The following MARS1 variants were observed in gnomAD, a reference collection of about 807,000 sequenced individuals.
MARS1 encodes the protein methionyl-tRNA synthetase 1.
In MARS1, 80 loss-of-function variants were observed where a neutral mutation model predicts 119.5. The observed-to-expected ratio is 0.67, with a 90% CI of 0.56 to 0.81. The LOEUF (loss-of-function observed/expected upper bound fraction) is 0.81, where lower values mean the gene tolerates loss of function less well. Ranked by LOEUF, MARS1 falls within the 30% of genes least tolerant of loss-of-function variation. MARS1 has a pLI of 0.00. For synonymous variants in MARS1, 418 were observed against 433.4 expected, an observed-to-expected ratio of 0.96 and a Z score of 0.44; for missense variants, 945 against 1,116.5, an observed-to-expected ratio of 0.85 and a Z score of 2.19.
At chr12:57,506,864 T>C (rs1306866462) in intron 11 of MARS1, among the ~76,000 whole-genome samples, 8 of 151,532 alleles carry the variant, frequency 5.3e-5, no homozygotes, top group African/African-American at 1.7e-4. Context: ...TTTTTTTTTT[T>C]TTTTTAATTG....
chr12:57,509,619 A>G (rs529151469), intron 11 of MARS1, among the ~76,000 whole-genome samples: 1 of 152,296 alleles, frequency 6.6e-6, no homozygotes, highest in Admixed American at 6.5e-5. Context: ...CATGTTGGCC[A>G]GGCTGGTCTC....
intron 10 of MARS1, among the ~76,000 whole-genome samples, chr12:57,501,025 G>A (rs1037142213): frequency 4.6e-5 from 7 of 152,232 alleles, no homozygotes; most frequent in Admixed American, 1.3e-4. Flanking sequence ...GACAGAGAGT[G>A]ACTTCTGGGG....
In MARS1 at chr12:57,498,249, T is replaced by G. The variant is rs551529414; in HGVS notation, c.863T>G (p.Val288Gly). 2 of 1,614,186 alleles carry G rather than the reference T, an allele frequency of 1.2e-6. No homozygotes were observed. The highest frequency in any genetic ancestry group is 4.5e-5 in the East Asian group (2 of 44,892). ...VPHLGNIIGCVLSADVFARYS... is the reference protein window; with the variant it reads ...VPHLGNIIGCGLSADVFARYS... ...CACCTTGGGAACATCATTGGTTGTG[T>G]GCTCAGTGCCGATGTCTTTGCCAGG... The change falls in exon 8 of 21, where the codon GTG becomes GGG. Residue 288 changes from valine (V) to glycine (G), a missense_variant. Coordinates refer to ENST00000262027, the MANE Select transcript of MARS1 (RefSeq NM_004990.4).
At chr12:57,498,110 AC>A in intron 7 of MARS1, 46 bp from the exon 8 acceptor site, 1 of 1,239,262 alleles carries the variant, frequency 8.1e-7, no homozygotes, top group Non-Finnish European at 1.2e-6. Flanking sequence ...GTCCCTGTTG[AC>A]CCTCACATCC....
At chr12:57,490,718 G>A in intron 7 of MARS1, 74 bp downstream of exon 7, 1 of 1,209,844 alleles carries the variant, frequency 8.3e-7, no homozygotes, top group Non-Finnish European at 1.2e-6. Context: ...GAACCTGCCT[G>A]CTAGGTCCCG....
rs1877567160 is a variant in MARS1 at position 57,512,434 on chromosome 12, G to A, written c.1753+81G>A. The stretch of plus-strand genomic sequence containing the variant: ...AGTACTTGGAAAAAGATCTTGGAGA[G>A]CTGCTATCTTGAGTTAGGAGTTGAG... On this transcript the variant is annotated intron_variant, in intron 14 of 20. Transcript: ENST00000262027. 8 of 982,922 alleles carry A rather than the reference G, an allele frequency of 8.1e-6. No homozygotes were observed. In the Admixed American group the frequency reaches 1.3e-4, roughly 16 times the overall value. 60.9% of individuals were successfully genotyped at this position (982,922 alleles called of 1,614,324 possible).
In MARS1 at chr12:57,514,950, C is replaced by G. The variant is rs1253766413; in HGVS notation, c.2100-4C>G. Reference sequence around the variant, plus strand: ...ACACCTTGGCCTGCTTCCTCCCTTCCCAGGATCCGGGATGCCTTGCGCAGT... The same window carrying G: ...ACACCTTGGCCTGCTTCCTCCCTTCGCAGGATCCGGGATGCCTTGCGCAGT... On this transcript the variant is annotated splice_region_variant and splice_polypyrimidine_tract_variant and intron_variant, in intron 16 of 20. Coordinates refer to ENST00000262027, the MANE Select transcript of MARS1 (RefSeq NM_004990.4). The G allele has an allele frequency of 6.2e-7, 1 of 1,614,052 alleles. No homozygotes were observed.
At chr12:57,508,239 C>T (rs1426864278) in intron 11 of MARS1, among the ~76,000 whole-genome samples, 1 of 152,250 alleles carries the variant, frequency 6.6e-6, no homozygotes, top group Non-Finnish European at 1.5e-5. Flanking sequence ...CAGAGATGCT[C>T]CTCACTTCCC....
chr12:57,496,802 C>A (rs987422368), intron 7 of MARS1, among the ~76,000 whole-genome samples: 3 of 150,924 alleles, frequency 2.0e-5, no homozygotes, highest in Admixed American at 1.3e-4. Context: ...AGGGAGATAA[C>A]CTTTCTCAGG....
intron 19 of MARS1, 93 bp from the exon 20 acceptor site, chr12:57,516,152 C>T (rs1268501694): frequency 2.2e-6 from 3 of 1,393,156 alleles, no homozygotes; most frequent in Non-Finnish European, 3.1e-6. Context: ...AGACCTTCGA[C>T]TTAAAGGTAA....
intron 14 of MARS1, 171 bp from the exon 15 acceptor site, chr12:57,512,580 G>C: frequency 1.5e-6 from 1 of 651,104 alleles, no homozygotes; most frequent in Non-Finnish European, 2.7e-6. Flanking sequence ...AAAAGGGCCA[G>C]AATGGATAGG....
chr12:57,509,923 C>CA (rs1204012317), intron 11 of MARS1, among the ~76,000 whole-genome samples: 4 of 151,890 alleles, frequency 2.6e-5, no homozygotes, highest in Non-Finnish European at 5.9e-5. Context: ...GGTACGTCTA[C>CA]AAAAAAAATA....
chr12:57,493,842 T>G (rs1191572810), intron 7 of MARS1, among the ~76,000 whole-genome samples: 1 of 4,278 alleles, frequency 2.3e-4, no homozygotes, highest in African/African-American at 2.6e-4. Context: ...TATATTATAA[T>G]ATATAATATA....
At chr12:57,489,241 T>C (rs1875730893) in intron 2 of MARS1, 26 bp from the exon 3 acceptor site, 54 of 1,612,574 alleles carry the variant, frequency 3.3e-5, no homozygotes, top group Non-Finnish European at 4.6e-5. Flanking sequence ...TCTAAGTCCA[T>C]CATCTGTTGC....
chr12:57,503,678 A>G (rs756945390), intron 10 of MARS1, among the ~76,000 whole-genome samples: 1 of 151,834 alleles, frequency 6.6e-6, no homozygotes, highest in Non-Finnish European at 1.5e-5. Flanking sequence ...AGTAGCTGGG[A>G]CTACAGGTGC....
At position 57,488,777 on chromosome 12, in the gene MARS1, C is replaced by T. The variant is rs539374948; in HGVS notation, c.110-242C>T. On this transcript the variant is annotated intron_variant, in intron 1 of 20. Coordinates refer to ENST00000262027, the MANE Select transcript of MARS1 (RefSeq NM_004990.4). ...CTTGGCTGCAGCACTATCCCAATAC[C>T]ACCACCTCCTCTGCAGTCCCCATCT... 176 of 965,506 alleles carry T rather than the reference C, an allele frequency of 1.8e-4. No individual in the cohort carries two copies. In the African/African-American group the frequency reaches 2.5e-3, roughly 14 times the overall value. The allele number at this position is 965,506 out of a possible 1,614,324, so 59.8% of individuals were successfully genotyped here.
At position 57,515,201 on chromosome 12, in the gene MARS1, C is replaced by G. The variant is rs201540140; in HGVS notation, c.2256C>G (p.Leu752=). 46 of 1,614,208 alleles carry G rather than the reference C, an allele frequency of 2.8e-5. No individual in the cohort carries two copies. Among genetic ancestry groups the G allele is most frequent in the East Asian group, 2.2e-5 (1 of 44,888 alleles). ...TGLAVNIAAL[L]SVMLQPYMPT... ...TGGCAGTGAATATAGCTGCCTTGCTCTCTGTCATGCTTCAGCCTTACATGC... is the reference window on the plus strand; with the variant it reads ...TGGCAGTGAATATAGCTGCCTTGCTGTCTGTCATGCTTCAGCCTTACATGC... Residue 752 remains leucine, a synonymous_variant, in exon 18 of 21, where the codon CTC becomes CTG. Coordinates refer to ENST00000262027, the MANE Select transcript of MARS1 (RefSeq NM_004990.4).
intron 15 of MARS1, among the ~76,000 whole-genome samples, 179 bp from the exon 16 acceptor site, chr12:57,514,541 G>A (rs995816899): frequency 6.6e-6 from 1 of 152,196 alleles, no homozygotes; most frequent in African/African-American, 2.4e-5. Flanking sequence ...ATTCTTAGGG[G>A]AGAGAAAGAG....
rs753490874 is a variant in MARS1 at position 57,490,646 on chromosome 12, T to C, written c.770+2T>C. 1.2e-6 allele frequency: 2 copies of C among 1,613,612 alleles called. No homozygotes were observed. Among genetic ancestry groups the C allele is most frequent in the East Asian group, 2.2e-5 (1 of 44,874 alleles). On this transcript the variant is annotated splice_donor_variant, in intron 7 of 20. Transcript: ENST00000262027. LOFTEE classifies it high-confidence loss of function. Reference sequence around the variant, plus strand: ...GCTGCGGCCCCAGCAGAATCCAGTGTGAGTAGACATGGCACATGTGAGTGG... The same window carrying C: ...GCTGCGGCCCCAGCAGAATCCAGTGCGAGTAGACATGGCACATGTGAGTGG...
Sources: gnomAD v4.1 joint callset for allele counts (sites outside exome capture counted in the v4.1 genomes callset) on GRCh38, gnomAD v4.1.1 for gene constraint, MANE v1.5 for transcripts, NCBI Gene and HGNC (gene_info 2026-07-23, HGNC 2026-07-21) for gene names.